The following NOX4 variants were observed in gnomAD, a reference collection of about 807,000 sequenced individuals.
The protein encoded by NOX4 is kidney oxidase-1.
A neutral mutation model predicts 87.6 loss-of-function variants in NOX4; 69 were observed. That is an observed-to-expected ratio of 0.79 (90% confidence interval 0.65 to 0.96). The LOEUF is 0.96. Ranked by LOEUF, NOX4 falls within the 40% of genes least tolerant of loss-of-function variation. The pLI is 0.00. For missense variants in NOX4, 680 were observed against 681.5 expected (o/e 1.00, Z 0.02); for synonymous variants, 275 against 238.2 (o/e 1.15, Z -1.42).
At chr11:89,438,381 T>A (rs1294037958) in intron 6 of NOX4, among the ~76,000 whole-genome samples, 1 of 115,494 alleles carries the variant, frequency 8.7e-6, no homozygotes, top group African/African-American at 3.5e-5. Context: ...ATATAATATA[T>A]AATATATAAT....
the NOX4 span, among the ~76,000 whole-genome samples, chr11:89,557,514 T>A: frequency 6.6e-6 from 1 of 152,174 alleles, no homozygotes; most frequent in Non-Finnish European, 1.5e-5. Flanking sequence ...TTTAAACACT[T>A]ATCATGTTCC....
chr11:89,560,354 C>G, the NOX4 span, among the ~76,000 whole-genome samples: 1 of 152,038 alleles, frequency 6.6e-6, no homozygotes, highest in Non-Finnish European at 1.5e-5. Context: ...ATTCTGGCAC[C>G]TTTGATTTTT....
At chr11:89,361,298 A>T (rs1938502181) in intron 12 of NOX4, among the ~76,000 whole-genome samples, 1 of 152,152 alleles carries the variant, frequency 6.6e-6, no homozygotes, top group Admixed American at 6.5e-5. Flanking sequence ...TGTCTTTTGC[A>T]GCAACTTGGA....
the NOX4 span, among the ~76,000 whole-genome samples, chr11:89,513,393 A>C: frequency 1.3e-5 from 2 of 152,234 alleles, no homozygotes; most frequent in African/African-American, 4.8e-5. Context: ...CCTATGGAAT[A>C]CTTGACTTTA....
rs779789150 is a variant in NOX4, at chr11:89,337,428, G to A, written c.1515+19C>T. On this transcript the variant is annotated intron_variant, in intron 16 of 17. Coordinates refer to ENST00000263317, the MANE Select transcript of NOX4 (RefSeq NM_016931.5). ...TTATCAAGAGGCTTGTTTAATTTAC[G>A]ATAACATCAACCACATACCTGTATC... is the stretch of plus-strand genomic sequence containing the variant. 21 of 1,610,760 alleles carry A rather than the reference G, an allele frequency of 1.3e-5. No homozygotes were observed. The highest frequency in any genetic ancestry group is 1.5e-5 in the Non-Finnish European group (18 of 1,177,836).
chr11:89,549,474 C>T, the NOX4 span, among the ~76,000 whole-genome samples: 2 of 152,200 alleles, frequency 1.3e-5, no homozygotes, highest in African/African-American at 4.8e-5. Flanking sequence ...TAAAGACAAT[C>T]CATAACAATA....
At chr11:89,488,825 C>A in intron 2 of NOX4, 4 of 518,154 alleles carry the variant, frequency 7.7e-6, no homozygotes, top group South Asian at 3.2e-5. Flanking sequence ...AAAACAAAAC[C>A]AAAAAGTTAT....
intron 17 of NOX4, among the ~76,000 whole-genome samples, chr11:89,329,754 T>C (rs1945392261): frequency 1.3e-5 from 2 of 152,086 alleles, no homozygotes; most frequent in Admixed American, 6.6e-5. Context: ...AGACATCAAC[T>C]ATTATATAAC....
intron 2 of NOX4, among the ~76,000 whole-genome samples, chr11:89,465,148 C>A (rs1229495239): frequency 6.6e-6 from 1 of 152,060 alleles, no homozygotes; most frequent in African/African-American, 2.4e-5. Context: ...TAGCCCCCCA[C>A]CACCCAACAA....
At chr11:89,499,377 C>A (rs574436969), upstream of NOX4, among the ~76,000 whole-genome samples, 5 of 152,092 alleles carry the variant, frequency 3.3e-5, no homozygotes, top group East Asian at 1.9e-4. Context: ...CATGTGAAAC[C>A]AGTTTAGGTT....
At chr11:89,403,549 G>C (rs1001600675) in intron 8 of NOX4, among the ~76,000 whole-genome samples, 26 of 152,178 alleles carry the variant, frequency 1.7e-4, no homozygotes, top group African/African-American at 6.0e-4. Flanking sequence ...AGACCAGCCT[G>C]ACCAACAGGG....
chr11:89,468,158 C>T (rs1420767931), intron 2 of NOX4, among the ~76,000 whole-genome samples: 1 of 152,180 alleles, frequency 6.6e-6, no homozygotes, highest in African/African-American at 2.4e-5. Context: ...TGTTTGAATT[C>T]TTCCACATAA....
chr11:89,347,433 G>A (rs1946265177), intron 13 of NOX4, among the ~76,000 whole-genome samples: 1 of 152,216 alleles, frequency 6.6e-6, no homozygotes, highest in Non-Finnish European at 1.5e-5. Context: ...ACTTTTGCAA[G>A]AGGCCAGGTG....
intron 12 of NOX4, among the ~76,000 whole-genome samples, chr11:89,361,143 G>T (rs1938491565): frequency 6.6e-6 from 1 of 151,932 alleles, no homozygotes; most frequent in African/African-American, 2.4e-5. Flanking sequence ...AAAAGACACA[G>T]GCACATGCAT....
chr11:89,331,601 T>A (rs1031457629), intron 17 of NOX4, among the ~76,000 whole-genome samples: 2 of 151,904 alleles, frequency 1.3e-5, no homozygotes, highest in African/African-American at 4.8e-5. Flanking sequence ...CAACGCCATA[T>A]GATGGCAATA....
At position 89,450,105 on chromosome 11, in the gene NOX4, T is replaced by A. The variant is rs748077756; in HGVS notation, c.265-581A>T. Among the ~76,000 whole-genome samples, 4 of 152,282 alleles carry A rather than the reference T, an allele frequency of 2.6e-5. No individual in the cohort carries two copies. The East Asian group carries it at 7.7e-4, about 29-fold the overall frequency. On this transcript the variant is annotated intron_variant, in intron 3 of 17. Transcript: ENST00000263317. ...GGGCAAATCTTTAAGAATGATTAAA[T>A]ACTGAGAGACTTAGGTGGGAACTTT...
chr11:89,440,621 A>C, intron 6 of NOX4, 67 bp downstream of exon 6: 1 of 1,120,946 alleles, frequency 8.9e-7, no homozygotes, highest in Non-Finnish European at 1.3e-6. Context: ...CACTGCGCCC[A>C]GTCCGATAAT....
intron 12 of NOX4, among the ~76,000 whole-genome samples, chr11:89,360,312 A>C (rs1332630305): frequency 6.6e-6 from 1 of 152,104 alleles, no homozygotes; most frequent in Non-Finnish European, 1.5e-5. Flanking sequence ...CATAAGAGAA[A>C]AGACACCGTT....
intron 17 of NOX4, among the ~76,000 whole-genome samples, chr11:89,334,768 G>T (rs12801670): frequency 6.6e-6 from 1 of 151,498 alleles, no homozygotes; most frequent in Admixed American, 6.6e-5. Flanking sequence ...ATGATTACAG[G>T]CAATTTTAAA....
Sources: allele counts gnomAD v4.1 joint callset (sites outside exome capture counted in the v4.1 genomes callset), GRCh38; gene constraint gnomAD v4.1.1; transcripts MANE v1.5; gene names NCBI Gene and HGNC (gene_info 2026-07-23, HGNC 2026-07-21).